RBFOX1: variants seen among roughly 807,000 people sequenced by gnomAD.
RBFOX1 encodes the protein RNA binding fox-1 homolog 1, also known as RNA binding protein fox-1 homolog 1.
In RBFOX1, 8 loss-of-function variants were observed where a neutral mutation model predicts 57.7. The ratio of observed to expected loss-of-function variants is 0.14; its 90% CI spans 0.08 to 0.25. The LOEUF is 0.25. Ranked by LOEUF, RBFOX1 falls within the 10% of genes least tolerant of loss-of-function variation. The pLI is 1.00. For synonymous variants in RBFOX1, 326 were observed against 222.4 expected, an observed-to-expected ratio of 1.47 and a Z score of -4.15; for missense variants, 611 against 548.5, an observed-to-expected ratio of 1.11 and a Z score of -1.14.
chr16:7,143,335 G>C (rs894288901), intron 4 of RBFOX1, among the ~76,000 whole-genome samples: 1 of 152,174 alleles, frequency 6.6e-6, no homozygotes, highest in African/African-American at 2.4e-5. Flanking sequence ...AGCTCTCAGG[G>C]AGAGGACTGA....
At chr16:6,761,372 T>G (rs1244873422) in intron 3 of RBFOX1, among the ~76,000 whole-genome samples, 1 of 152,112 alleles carries the variant, frequency 6.6e-6, no homozygotes, top group African/African-American at 2.4e-5. Flanking sequence ...AGACATACAT[T>G]TAGTCTTTGC....
chr16:6,877,533 G>C (rs932710586), intron 3 of RBFOX1, among the ~76,000 whole-genome samples: 5 of 152,154 alleles, frequency 3.3e-5, no homozygotes, highest in African/African-American at 1.2e-4. Flanking sequence ...GACTCTCAGT[G>C]CTTGGAATTC....
chr16:5,649,856 C>G (rs573903208), intron 3 of RBFOX1, among the ~76,000 whole-genome samples: 1 of 152,166 alleles, frequency 6.6e-6, no homozygotes, highest in Non-Finnish European at 1.5e-5. Flanking sequence ...TGCCCTTGAG[C>G]TGAGCTTGTT....
chr16:7,094,152 A>T (rs2061319356), intron 4 of RBFOX1, among the ~76,000 whole-genome samples: 1 of 151,674 alleles, frequency 6.6e-6, no homozygotes, highest in Admixed American at 6.6e-5. Flanking sequence ...AAAATTTTCC[A>T]AACCTTCAGA....
intron 4 of RBFOX1, among the ~76,000 whole-genome samples, chr16:5,895,699 A>G (rs1325286674): frequency 6.6e-6 from 1 of 152,218 alleles, no homozygotes; most frequent in Non-Finnish European, 1.5e-5. Flanking sequence ...TCTCATTTAT[A>G]ACATAGGATC....
chr16:6,347,893 C>G (rs2085652051), intron 2 of RBFOX1, among the ~76,000 whole-genome samples: 2 of 152,162 alleles, frequency 1.3e-5, no homozygotes, highest in African/African-American at 4.8e-5. Flanking sequence ...TCCAACAGCT[C>G]ATTTGCTCAT....
chr16:7,663,935 G>C (rs2068483677), intron 12 of RBFOX1, among the ~76,000 whole-genome samples: 1 of 152,124 alleles, frequency 6.6e-6, no homozygotes, highest in Non-Finnish European at 1.5e-5. Context: ...ATACCAAAAA[G>C]CTTCTGGGGA....
chr16:6,533,106 T>G (rs1449893009), intron 2 of RBFOX1, among the ~76,000 whole-genome samples: 2 of 152,224 alleles, frequency 1.3e-5, no homozygotes. Context: ...GTTGGCCTAG[T>G]GCTAGATGGC....
At chr16:7,553,569 G>T (rs527239382) in intron 5 of RBFOX1, among the ~76,000 whole-genome samples, 1 of 152,284 alleles carries the variant, frequency 6.6e-6, no homozygotes, top group East Asian at 1.9e-4. Flanking sequence ...CAAGAGAAGG[G>T]GGATACATAT....
At chr16:5,832,376 C>A (rs540170992) in intron 3 of RBFOX1, among the ~76,000 whole-genome samples, 1 of 152,188 alleles carries the variant, frequency 6.6e-6, no homozygotes, top group South Asian at 2.1e-4. Flanking sequence ...ATGGGGCATG[C>A]CCAGAAAGGG....
At chr16:6,721,282 A>C (rs1036976347) in intron 3 of RBFOX1, among the ~76,000 whole-genome samples, 5 of 152,134 alleles carry the variant, frequency 3.3e-5, no homozygotes, top group Non-Finnish European at 5.9e-5. Context: ...GTCTGTACTA[A>C]AACTACAAAA....
chr16:7,207,605 C>G (rs1295041545), intron 4 of RBFOX1, among the ~76,000 whole-genome samples: 6 of 152,148 alleles, frequency 3.9e-5, no homozygotes, highest in Non-Finnish European at 2.9e-5. Flanking sequence ...ACTATGACAG[C>G]AAAACAGTGC....
At chr16:6,478,412 TATATATATATATA>T (rs1166692252) in intron 2 of RBFOX1, among the ~76,000 whole-genome samples, 445 of 24,026 alleles carry the variant, frequency 0.019, 18 homozygotes, top group African/African-American at 0.024. Context: ...TATATATATA[TATATATATATATA>T]TATATTTTTT....
At chr16:6,106,207 A>G (rs376765280) in intron 1 of RBFOX1, among the ~76,000 whole-genome samples, 2 of 152,174 alleles carry the variant, frequency 1.3e-5, no homozygotes, top group East Asian at 3.9e-4. Flanking sequence ...CTGTAATTCC[A>G]GCACTTTGGG....
intron 10 of RBFOX1, 114 bp from the exon 11 acceptor site, chr16:7,630,489 C>G: frequency 6.5e-7 from 1 of 1,540,076 alleles, no homozygotes; most frequent in Non-Finnish European, 8.7e-7. Context: ...GTCCTGCGCT[C>G]TGGGATGTGG....
chr16:7,041,082 ATTTTTT>A (rs61569211), intron 3 of RBFOX1, among the ~76,000 whole-genome samples: 14 of 109,314 alleles, frequency 1.3e-4, no homozygotes, highest in South Asian at 8.8e-4. Context: ...CGCCCAGCTA[ATTTTTT>A]TTTTTTTTTT....
chr16:5,865,083 C>G (rs1378849124), intron 3 of RBFOX1, among the ~76,000 whole-genome samples: 2 of 152,124 alleles, frequency 1.3e-5, no homozygotes, highest in Non-Finnish European at 1.5e-5. Context: ...TTAGGAAACA[C>G]TAAAAGTATG....
intron 3 of RBFOX1, among the ~76,000 whole-genome samples, chr16:5,691,786 CA>C (rs1286924888): frequency 2.6e-5 from 4 of 151,840 alleles, no homozygotes; most frequent in African/African-American, 7.3e-5. Context: ...TTTTATTTTA[CA>C]AAAGAGGAAA....
chr16:6,063,252 C>G (rs2095711620), intron 1 of RBFOX1, among the ~76,000 whole-genome samples: 1 of 152,066 alleles, frequency 6.6e-6, no homozygotes, highest in Non-Finnish European at 1.5e-5. Flanking sequence ...GCCATGATCA[C>G]CACATGATAT....
Sources: gnomAD v4.1 joint callset for allele counts (sites outside exome capture counted in the v4.1 genomes callset) on GRCh38, gnomAD v4.1.1 for gene constraint, MANE v1.5 for transcripts, NCBI Gene and HGNC (gene_info 2026-07-23, HGNC 2026-07-21) for gene names.